Variants in FMNL2 observed in about 807,000 individuals in gnomAD.
FMNL2 encodes formin like 2.
A neutral mutation model predicts 130.2 loss-of-function variants in FMNL2; 51 were observed. The ratio of observed to expected loss-of-function variants is 0.39; its 90% confidence interval spans 0.31 to 0.49. The LOEUF is 0.49. FMNL2 is among the 20% of genes least tolerant of loss of function. The pLI is 0.85. For missense variants in FMNL2, 977 were observed against 1,316.2 expected (o/e 0.74, Z 3.99); for synonymous variants, 465 against 467.1 (o/e 1.00, Z 0.06).
chr2:152,525,187 A>G (rs1426406390), intron 2 of FMNL2, among the ~76,000 whole-genome samples: 1 of 152,218 alleles, frequency 6.6e-6, no homozygotes, highest in African/African-American at 2.4e-5. Context: ...GAAACAAGCC[A>G]TTGAAGCAAA....
At position 152,589,330 on chromosome 2, in the gene FMNL2, C is replaced by CA. The variant is rs35777040; in HGVS notation, c.876+8290dup. ...TTAAAAAAACAAACAAAAAAAACAA[C>CA]AAAAAAAAACCCAGGGTGTTAGGGT... On this transcript the variant is annotated intron_variant, in intron 9 of 25. Coordinates refer to ENST00000288670, the MANE Select transcript of FMNL2 (RefSeq NM_052905.4). Among the ~76,000 whole-genome samples the CA allele has an allele frequency of 4.2e-4, 63 of 151,550 alleles. 1 individual carries two copies. The highest frequency in any genetic ancestry group is 1.2e-3 in the African/African-American group (51 of 41,260).
chr2:152,425,940 T>C (rs1299020240), intron 1 of FMNL2, among the ~76,000 whole-genome samples: 1 of 152,216 alleles, frequency 6.6e-6, no homozygotes, highest in Non-Finnish European at 1.5e-5. Flanking sequence ...CAGGACCTTT[T>C]AGCAATTTTC....
chr2:152,525,126 A>ACTC (rs1693315051), intron 2 of FMNL2, among the ~76,000 whole-genome samples: 1 of 152,340 alleles, frequency 6.6e-6, no homozygotes, highest in East Asian at 1.9e-4. Context: ...ATCTGTTTCC[A>ACTC]AACTCTACTC....
chr2:152,348,042 G>A (rs893275652), intron 1 of FMNL2, among the ~76,000 whole-genome samples: 3 of 150,604 alleles, frequency 2.0e-5, no homozygotes, highest in Non-Finnish European at 2.9e-5. Context: ...GGCTCTCTTC[G>A]CTTCTCTGCT....
At chr2:152,426,811 A>G (rs1391048360) in intron 1 of FMNL2, among the ~76,000 whole-genome samples, 1 of 152,234 alleles carries the variant, frequency 6.6e-6, no homozygotes, top group Non-Finnish European at 1.5e-5. Context: ...ATAAGGAAAT[A>G]TATTTAAAGT....
chr2:152,536,093 C>T (rs143276010), intron 2 of FMNL2, among the ~76,000 whole-genome samples: 58 of 152,288 alleles, frequency 3.8e-4, no homozygotes, highest in African/African-American at 1.3e-3. Flanking sequence ...TAGGGCTTAC[C>T]TCAGGCCCTC....
chr2:152,495,748 C>T (rs1002153961), intron 1 of FMNL2, among the ~76,000 whole-genome samples: 49 of 151,290 alleles, frequency 3.2e-4, no homozygotes, highest in Admixed American at 2.7e-3. Context: ...TCCCTACCTG[C>T]CTGCCTGCCT....
intron 1 of FMNL2, among the ~76,000 whole-genome samples, chr2:152,515,880 T>C (rs916449020): frequency 1.3e-5 from 2 of 152,186 alleles, no homozygotes; most frequent in African/African-American, 4.8e-5. Context: ...AGTTTTGAAT[T>C]ACATTTACTG....
intron 1 of FMNL2, among the ~76,000 whole-genome samples, chr2:152,508,226 C>T (rs529612338): frequency 6.6e-5 from 10 of 152,222 alleles, no homozygotes; most frequent in East Asian, 5.8e-4. Flanking sequence ...GACAGACCCC[C>T]GAGATAGGAT....
intron 1 of FMNL2, among the ~76,000 whole-genome samples, chr2:152,367,594 G>A (rs1163788887): frequency 6.6e-6 from 1 of 152,136 alleles, no homozygotes; most frequent in Non-Finnish European, 1.5e-5. Context: ...AGGTTGAAAG[G>A]GGATTGTGAA....
chr2:152,405,754 C>T (rs1294874017), intron 1 of FMNL2, among the ~76,000 whole-genome samples: 1 of 152,132 alleles, frequency 6.6e-6, no homozygotes, highest in Non-Finnish European at 1.5e-5. Flanking sequence ...TAATTAGTAC[C>T]TGGGTCTCCT....
intron 1 of FMNL2, among the ~76,000 whole-genome samples, chr2:152,338,818 GAT>G (rs1491587317): frequency 1.2e-4 from 7 of 60,306 alleles, no homozygotes; most frequent in Non-Finnish European, 2.0e-4. Flanking sequence ...TGGAAGGTGA[GAT>G]ACACACACAC....
intron 1 of FMNL2, among the ~76,000 whole-genome samples, chr2:152,480,010 TGATGCAAGCATATACTTAAATGG>T (rs1313262621): frequency 6.6e-6 from 1 of 152,222 alleles, no homozygotes; most frequent in Non-Finnish European, 1.5e-5. Flanking sequence ...TAAATGAATG[TGATGCAAGCATATACTTAAATGG>T]GATGCCTTAA....
At chr2:152,466,502 A>G (rs1016029265) in intron 1 of FMNL2, among the ~76,000 whole-genome samples, 2 of 152,142 alleles carry the variant, frequency 1.3e-5, no homozygotes, top group African/African-American at 4.8e-5. Flanking sequence ...TAGTATATCT[A>G]ATTGTTGGTG....
At chr2:152,469,021 G>A (rs890226642) in intron 1 of FMNL2, among the ~76,000 whole-genome samples, 11 of 152,238 alleles carry the variant, frequency 7.2e-5, no homozygotes, top group African/African-American at 2.4e-4. Context: ...GACTCACAAC[G>A]TGATAAAATG....
At chr2:152,643,394 T>C (rs1683263627) in intron 25 of FMNL2, 3 of 1,536,064 alleles carry the variant, frequency 2.0e-6, no homozygotes, top group Non-Finnish European at 8.7e-7. Flanking sequence ...CTGTTTGTGT[T>C]GTTTGGCTGT....
rs80123154 is a variant in FMNL2, at chr2:152,577,957, G to A, written c.706-931G>A. ...TTTTTATTGTTACTTAAGATAATTTGCATTTTTTATGCTAATGGCAATGAG... is the reference window on the plus strand; with the variant it reads ...TTTTTATTGTTACTTAAGATAATTTACATTTTTTATGCTAATGGCAATGAG... On this transcript the variant is annotated intron_variant, in intron 7 of 25. Coordinates refer to ENST00000288670, the MANE Select transcript of FMNL2 (RefSeq NM_052905.4). Among the ~76,000 whole-genome samples the A allele has an allele frequency of 8.3e-3, 1,263 of 152,206 alleles. 13 individuals are homozygous for A. Among genetic ancestry groups the A allele is most frequent in the Non-Finnish European group, 0.014 (970 of 68,006 alleles).
chr2:152,440,854 G>T (rs1329672022), intron 1 of FMNL2, among the ~76,000 whole-genome samples: 2 of 152,212 alleles, frequency 1.3e-5, no homozygotes, highest in Non-Finnish European at 2.9e-5. Context: ...ATGAAAGATT[G>T]TTAAGTTCTT....
intron 3 of FMNL2, among the ~76,000 whole-genome samples, chr2:152,543,277 C>T (rs570447055): frequency 7.2e-5 from 11 of 152,266 alleles, no homozygotes; most frequent in African/African-American, 2.4e-4. Flanking sequence ...TCCCCCCAAC[C>T]CCTGCCCCTG....
Sources: allele counts gnomAD v4.1 joint callset (sites outside exome capture counted in the v4.1 genomes callset), GRCh38; gene constraint gnomAD v4.1.1; transcripts MANE v1.5; gene names NCBI Gene and HGNC (gene_info 2026-07-23, HGNC 2026-07-21).